SOX5: variants seen among roughly 807,000 people sequenced by gnomAD.
The protein encoded by SOX5 is transcription factor SOX-5.
In SOX5, 9 loss-of-function variants were observed where a neutral mutation model predicts 92.0. The ratio of observed to expected loss-of-function variants is 0.10; its 90% confidence interval spans 0.06 to 0.17. The LOEUF (loss-of-function observed/expected upper bound fraction) is 0.17. SOX5 is among the 10% of genes least tolerant of loss of function. The pLI is 1.00. For missense variants in SOX5, 642 were observed against 944.5 expected, an observed-to-expected ratio of 0.68 and a Z score of 4.20; for synonymous variants, 344 against 336.3, an observed-to-expected ratio of 1.02 and a Z score of -0.25.
At chr12:24,381,012 T>C (rs1957769620) in intron 1 of SOX5, among the ~76,000 whole-genome samples, 1 of 152,242 alleles carries the variant, frequency 6.6e-6, no homozygotes, top group South Asian at 2.1e-4. Flanking sequence ...TTTGCACTAC[T>C]GTAATCCTTA....
intron 3 of SOX5, among the ~76,000 whole-genome samples, chr12:23,766,636 T>C (rs2094735578): frequency 6.6e-6 from 1 of 152,092 alleles, no homozygotes; most frequent in Non-Finnish European, 1.5e-5. Context: ...TCTACTGAAT[T>C]CTTCTTAGAA....
chr12:24,028,987 A>G (rs944731850), intron 4 of SOX5, among the ~76,000 whole-genome samples: 2 of 152,022 alleles, frequency 1.3e-5, no homozygotes, highest in African/African-American at 4.8e-5. Flanking sequence ...AACCAATTAC[A>G]TTTCAAAAAT....
intron 4 of SOX5, among the ~76,000 whole-genome samples, chr12:24,004,695 T>C (rs997760320): frequency 2.0e-5 from 3 of 152,122 alleles, no homozygotes; most frequent in African/African-American, 7.2e-5. Context: ...CGCAGCCACA[T>C]TGAACAGTTT....
intron 1 of SOX5, among the ~76,000 whole-genome samples, chr12:24,445,082 T>C (rs1941261675): frequency 6.6e-6 from 1 of 152,208 alleles, no homozygotes; most frequent in Non-Finnish European, 1.5e-5. Context: ...CATTAGTCTC[T>C]AATGCAATCC....
chr12:23,791,887 T>A (rs1322260273), intron 3 of SOX5, among the ~76,000 whole-genome samples: 4 of 151,724 alleles, frequency 2.6e-5, no homozygotes, highest in African/African-American at 7.2e-5. Flanking sequence ...ATCACTTTTT[T>A]GAAATAGGTA....
chr12:23,762,348 TG>T, intron 3 of SOX5: 1 of 340,122 alleles, frequency 2.9e-6, no homozygotes, highest in Non-Finnish European at 5.3e-6. Flanking sequence ...TAGCGTACTT[TG>T]TTTGCACCTG....
At chr12:23,648,386 A>G (rs1173509112) in intron 7 of SOX5, among the ~76,000 whole-genome samples, 3 of 152,210 alleles carry the variant, frequency 2.0e-5, no homozygotes, top group South Asian at 2.1e-4. Flanking sequence ...TATATGTGTC[A>G]TGGATTGAAT....
At chr12:23,685,628 TC>T (rs144168250) in intron 6 of SOX5, among the ~76,000 whole-genome samples, 3,620 of 142,700 alleles carry the variant, frequency 0.025, 163 homozygotes, top group African/African-American at 0.086. Flanking sequence ...ATCCTTTTTG[TC>T]CCCCCCCCCA....
rs117262495 is a variant in SOX5 at position 24,483,477 on chromosome 12, G to C, written c.-251+78852C>G. Among the ~76,000 whole-genome samples the C allele has an allele frequency of 1.7e-3, 262 of 152,282 alleles. 1 individual carries two copies. Among genetic ancestry groups the C allele is most frequent in the Middle Eastern group, 3.4e-3 (1 of 292 alleles). On this transcript the variant is annotated intron_variant, in intron 1 of 4. Transcript: ENST00000446891. ...CTCAGATGAGATGCTAATTATGAGGGCAGTCTTGTTAATCAAAACTAAAGC... is the reference window on the plus strand; with the variant it reads ...CTCAGATGAGATGCTAATTATGAGGCCAGTCTTGTTAATCAAAACTAAAGC...
chr12:23,740,847 C>T lies in SOX5; in HGVS notation c.741+20G>A. On this transcript the variant is annotated intron_variant, in intron 5 of 14. Transcript: ENST00000451604. ...AAGTAATGTCTGAGGAATATGACTG[C>T]ATCGCTAGTTCTTACTCACTTGTTC... 1 of 1,594,600 alleles carries T rather than the reference C, an allele frequency of 6.3e-7. No homozygotes were observed. Among genetic ancestry groups the T allele is most frequent in the South Asian group, 1.1e-5 (1 of 89,736 alleles).
At chr12:23,975,341 T>A (rs1253279959) in intron 4 of SOX5, among the ~76,000 whole-genome samples, 1 of 151,280 alleles carries the variant, frequency 6.6e-6, no homozygotes, top group African/African-American at 2.4e-5. Context: ...TATGATATAC[T>A]TTTTTTAAAA....
At chr12:23,828,055 C>T (rs573688279) in intron 3 of SOX5, among the ~76,000 whole-genome samples, 8 of 152,326 alleles carry the variant, frequency 5.3e-5, no homozygotes, top group South Asian at 2.1e-4. Flanking sequence ...TGACAGACCA[C>T]GTATACATCA....
At position 23,530,170 on chromosome 12, in the gene SOX5, A is replaced by G. The variant is rs1396686279; in HGVS notation, c.*4049T>C. 1.3e-5 allele frequency: 2 copies of G among 152,216 alleles called. No homozygotes were observed. The highest frequency in any genetic ancestry group is 2.9e-5 in the Non-Finnish European group (2 of 68,032). 9.4% of individuals were successfully genotyped at this position (152,216 alleles called of 1,614,324 possible). ...CATAGTTTTCCTTGCAGACCCCGTA[A>G]GTTTTATTTTATTATTAATTTGATA... On this transcript the variant is annotated 3_prime_UTR_variant, in exon 15 of 15. Coordinates refer to ENST00000451604, the MANE Select transcript of SOX5 (RefSeq NM_006940.6).
intron 3 of SOX5, among the ~76,000 whole-genome samples, chr12:24,270,771 T>A (rs959355050): frequency 1.1e-4 from 16 of 152,226 alleles, no homozygotes; most frequent in South Asian, 6.2e-4. Context: ...TCCTAAATGA[T>A]ATAATTTAGT....
intron 3 of SOX5, among the ~76,000 whole-genome samples, chr12:23,831,444 T>C (rs2096317928): frequency 1.3e-5 from 2 of 152,048 alleles, no homozygotes; most frequent in Non-Finnish European, 2.9e-5. Flanking sequence ...CATTGCACAG[T>C]AGGACAGAGA....
chr12:23,817,152 CAT>C (rs1469289913), intron 3 of SOX5, among the ~76,000 whole-genome samples: 1 of 152,112 alleles, frequency 6.6e-6, no homozygotes, highest in African/African-American at 2.4e-5. Flanking sequence ...TTTGGCTAAG[CAT>C]ATATGTTTTT....
chr12:23,634,673 T>C (rs2078990115), intron 8 of SOX5, among the ~76,000 whole-genome samples: 1 of 152,164 alleles, frequency 6.6e-6, no homozygotes, highest in South Asian at 2.1e-4. Flanking sequence ...TATGTTTATT[T>C]CATTAAATGA....
chr12:24,357,351 C>G (rs115929054), intron 2 of SOX5: 1 of 152,122 alleles, frequency 6.6e-6, no homozygotes, highest in African/African-American at 2.4e-5. Context: ...ATGCAGTGCA[C>G]GAGTATAGGT....
intron 4 of SOX5, among the ~76,000 whole-genome samples, chr12:24,192,048 CT>C (rs998482558): frequency 6.6e-6 from 1 of 152,182 alleles, no homozygotes; most frequent in African/African-American, 2.4e-5. Context: ...TTAAAGTTTA[CT>C]TTACAAGGTA....
Sources: allele counts gnomAD v4.1 joint callset (sites outside exome capture counted in the v4.1 genomes callset), GRCh38; gene constraint gnomAD v4.1.1; transcripts MANE v1.5; gene names NCBI Gene and HGNC (gene_info 2026-07-23, HGNC 2026-07-21).